NADSYN1: variants seen among roughly 807,000 people sequenced by gnomAD.
NADSYN1 encodes the protein glutamine-dependent NAD(+) synthetase.
NADSYN1 carries 80 observed loss-of-function variants against 99.3 expected under a neutral mutation model. The observed-to-expected ratio is 0.81, with a 90% CI of 0.67 to 0.97. The LOEUF is 0.97. Ranked by LOEUF, NADSYN1 falls within the 50% of genes least tolerant of loss-of-function variation. The probability of loss-of-function intolerance (pLI) is 0.00; values close to 1 mark genes in which losing one functional copy is unlikely to be tolerated. For missense variants in NADSYN1, 859 were observed against 948.5 expected, an observed-to-expected ratio of 0.91 and a Z score of 1.24; for synonymous variants, 385 against 372.1, an observed-to-expected ratio of 1.03 and a Z score of -0.40.
rs1181638476 is a variant in NADSYN1, at chr11:71,480,767, AG to A, written c.887del (p.Ser296ThrfsTer6). ...TCTCCATTGCCAGGCCAGCAGGGCG[AG>A]CCCCTACCCCAGAGTGAAGGTGGAC... ...SSRNLAASRA[S>X]PYPRVKVDFA... is the part of the protein sequence containing the mutation. On this transcript the variant is annotated frameshift_variant, in exon 11 of 21. Transcript: ENST00000319023. LOFTEE classifies it high-confidence loss of function. 4.3e-6 allele frequency: 7 copies of A among 1,614,100 alleles called. No individual in the cohort carries two copies. The highest frequency in any genetic ancestry group is 5.9e-6 in the Non-Finnish European group (7 of 1,180,004).
intron 5 of NADSYN1, among the ~76,000 whole-genome samples, chr11:71,470,398 C>G (rs994388280): frequency 1.3e-5 from 2 of 152,236 alleles, no homozygotes; most frequent in African/African-American, 4.8e-5. Context: ...GGAGCACTTC[C>G]AAGGAGAGAG....
In NADSYN1 at chr11:71,498,436, G is replaced by A. The variant is rs144338616; in HGVS notation, c.1978G>A (p.Glu660Lys). 8.8e-5 allele frequency: 142 copies of A among 1,614,022 alleles called. No individual in the cohort carries two copies. Among genetic ancestry groups the A allele is most frequent in the African/African-American group, 3.9e-4 (29 of 74,912 alleles). ...MTTLTPAYHA[E>K]NYSPEDNRFD... is the part of the protein sequence containing the mutation. ...CACGCTCACACCCGCGTACCACGCC[G>A]AGAACTACAGCCCTGAGGACAACAG... The change falls in exon 20 of 21, where the codon GAG (glutamate) becomes AAG (lysine). Residue 660 changes from glutamate (E) to lysine (K), a missense_variant. Glu to Lys is a moderately conservative substitution (Grantham distance 56). Coordinates refer to ENST00000319023, the MANE Select transcript of NADSYN1 (RefSeq NM_018161.5).
At chr11:71,457,975 C>T (rs928171053) in intron 2 of NADSYN1, among the ~76,000 whole-genome samples, 10 of 152,272 alleles carry the variant, frequency 6.6e-5, no homozygotes, top group African/African-American at 2.2e-4. Context: ...CATCATTCAG[C>T]CGACTACAAG....
At chr11:71,481,864 T>C in intron 12 of NADSYN1, 59 bp from the exon 13 acceptor site, 1 of 1,495,198 alleles carries the variant, frequency 6.7e-7, no homozygotes. Flanking sequence ...GCTTGGCTGA[T>C]CCATGGGCAT....
intron 16 of NADSYN1, among the ~76,000 whole-genome samples, chr11:71,486,955 A>G (rs1028621132): frequency 5.9e-5 from 9 of 151,654 alleles, no homozygotes; most frequent in Non-Finnish European, 5.9e-5. Flanking sequence ...ACAGGCGCCC[A>G]TCACCACGCC....
At chr11:71,492,080 A>G (rs957080122) in intron 18 of NADSYN1, among the ~76,000 whole-genome samples, 177 bp downstream of exon 18, 4 of 152,002 alleles carry the variant, frequency 2.6e-5, no homozygotes, top group Admixed American at 6.6e-5. Context: ...TGACACTTCA[A>G]TTCACTTCCT....
At chr11:71,468,030 T>C (rs969234780) in intron 5 of NADSYN1, among the ~76,000 whole-genome samples, 3 of 152,122 alleles carry the variant, frequency 2.0e-5, no homozygotes, top group Non-Finnish European at 4.4e-5. Context: ...TGCTTCGTAG[T>C]GGTGAAGCCT....
At chr11:71,458,213 G>A (rs980036876) in intron 2 of NADSYN1, among the ~76,000 whole-genome samples, 4 of 152,218 alleles carry the variant, frequency 2.6e-5, no homozygotes, top group Admixed American at 6.5e-5. Flanking sequence ...AACTCAGAGA[G>A]AGGAGCAGGG....
intron 5 of NADSYN1, among the ~76,000 whole-genome samples, chr11:71,471,651 AGAGGGTGAATG>A (rs746509184): frequency 1.3e-5 from 2 of 152,210 alleles, no homozygotes; most frequent in Non-Finnish European, 2.9e-5. Context: ...AACAGGCTAC[AGAGGGTGAATG>A]GAGTGCTCAA....
In NADSYN1 at chr11:71,487,041, C is replaced by T. The variant is rs11820509; in HGVS notation, c.1562+1393C>T. ...CAGGATGGTCTCCATCTCCTGACCT[C>T]GTGATCCGCCCACCTTGGCCTCCCA... On this transcript the variant is annotated intron_variant, in intron 16 of 20. Coordinates refer to ENST00000319023, the MANE Select transcript of NADSYN1 (RefSeq NM_018161.5). 5.4e-3 allele frequency among the ~76,000 whole-genome samples: 817 copies of T among 152,180 alleles called. 8 individuals are homozygous for T. The highest frequency in any genetic ancestry group is 0.019 in the African/African-American group (785 of 41,530).
At chr11:71,484,169 T>C (rs939112373) in intron 14 of NADSYN1, 143 bp from the exon 15 acceptor site, 33 of 1,252,212 alleles carry the variant, frequency 2.6e-5, no homozygotes, top group Non-Finnish European at 3.5e-5. Context: ...TGCGCAGCAC[T>C]GTGGATTGCT....
intron 3 of NADSYN1, among the ~76,000 whole-genome samples, chr11:71,459,482 C>G (rs1415768068): frequency 6.6e-6 from 1 of 152,072 alleles, no homozygotes; most frequent in African/African-American, 2.4e-5. Context: ...TCTGCACGTG[C>G]TGTGCTGGTA....
chr11:71,464,162 A>C lies in NADSYN1; in HGVS notation c.407+20A>C, dbSNP rs1276357961. On this transcript the variant is annotated intron_variant, in intron 5 of 20. Coordinates refer to ENST00000319023, the MANE Select transcript of NADSYN1 (RefSeq NM_018161.5). ...GAGTCGGTGAGTCGGGTGCCTGACC[A>C]CTCCTGGGATGTGCGTTAAGCACCT... The C allele has an allele frequency of 6.3e-7, 1 of 1,582,556 alleles. No homozygotes were observed. The highest frequency in any genetic ancestry group is 8.6e-7 in the Non-Finnish European group (1 of 1,160,868).
chr11:71,473,746 G>A, intron 8 of NADSYN1, 60 bp downstream of exon 8: 1 of 1,216,228 alleles, frequency 8.2e-7, no homozygotes, highest in Non-Finnish European at 1.2e-6. Flanking sequence ...AAGAACTCCT[G>A]CATCCTCAGT....
chr11:71,459,225 A>C (rs1565595574), intron 3 of NADSYN1, among the ~76,000 whole-genome samples: 1 of 148,568 alleles, frequency 6.7e-6, no homozygotes, highest in Non-Finnish European at 1.5e-5. Context: ...CGGTCCCTGC[A>C]TAGCCGCCCC....
chr11:71,492,303 G>A (rs1248844416), intron 18 of NADSYN1, among the ~76,000 whole-genome samples: 1 of 152,184 alleles, frequency 6.6e-6, no homozygotes, highest in African/African-American at 2.4e-5. Context: ...GGATGCTGGG[G>A]GAAGTGGCTG....
chr11:71,457,445 T>C (rs1056729746), intron 2 of NADSYN1, among the ~76,000 whole-genome samples: 17 of 152,372 alleles, frequency 1.1e-4, no homozygotes, highest in Admixed American at 7.2e-4. Flanking sequence ...TGAAGAGTTA[T>C]AAGTGTTCTA....
At chr11:71,454,736 G>A (rs1275446271) in intron 1 of NADSYN1, among the ~76,000 whole-genome samples, 1 of 152,162 alleles carries the variant, frequency 6.6e-6, no homozygotes, top group Admixed American at 6.5e-5. Flanking sequence ...TCCTCTAGAT[G>A]GTGTTGGGCA....
rs371040594 is a variant in NADSYN1, at chr11:71,473,420, G to A, written c.548+54G>A. ...TCGCCCACCTCATATGGGCCAGCTGGGAGGACCTGGGACTGCAGACGTCCT... is the reference window on the plus strand; with the variant it reads ...TCGCCCACCTCATATGGGCCAGCTGAGAGGACCTGGGACTGCAGACGTCCT... On this transcript the variant is annotated intron_variant, in intron 7 of 20. Coordinates refer to ENST00000319023, the MANE Select transcript of NADSYN1 (RefSeq NM_018161.5). 44 of 1,586,544 alleles carry A rather than the reference G, an allele frequency of 2.8e-5. No individual in the cohort carries two copies. In the South Asian group the frequency reaches 4.2e-4, roughly 15 times the overall value.
Sources: gnomAD v4.1 joint callset for allele counts (sites outside exome capture counted in the v4.1 genomes callset) on GRCh38, gnomAD v4.1.1 for gene constraint, MANE v1.5 for transcripts, NCBI Gene and HGNC (gene_info 2026-07-23, HGNC 2026-07-21) for gene names.